NAV1: variants seen among roughly 807,000 people sequenced by gnomAD.
The protein encoded by NAV1 is neuron navigator 1.
In NAV1, 18 loss-of-function variants were observed where a neutral mutation model predicts 175.2. That is an observed-to-expected ratio of 0.10 (90% CI 0.07 to 0.15). The LOEUF (loss-of-function observed/expected upper bound fraction) is 0.15, where lower values mean the gene tolerates loss of function less well. Ranked by LOEUF, NAV1 falls within the 10% of genes least tolerant of loss-of-function variation. NAV1 has a pLI of 1.00. For synonymous variants in NAV1, 897 were observed against 978.7 expected (o/e 0.92, Z 1.56); for missense variants, 1,731 against 2,436.6 (o/e 0.71, Z 6.10).
At chr1:201,684,505 A>C in intron 1 of NAV1, among the ~76,000 whole-genome samples, 8 of 124,466 alleles carry the variant, frequency 6.4e-5, no homozygotes, top group South Asian at 2.5e-4. Context: ...ACAGAGTCTC[A>C]CTCTTGTCGC....
chr1:201,572,227 AG>A (rs1233121378), intron 1 of NAV1, among the ~76,000 whole-genome samples: 1 of 152,152 alleles, frequency 6.6e-6, no homozygotes, highest in African/African-American at 2.4e-5. Context: ...GGGCTTCTGC[AG>A]GGGCCACAGC....
chr1:201,636,963 T>A (rs535323931), intron 2 of NAV1, among the ~76,000 whole-genome samples: 1 of 152,238 alleles, frequency 6.6e-6, no homozygotes, highest in Non-Finnish European at 1.5e-5. Flanking sequence ...GTTCTCATCA[T>A]GGCATTGGAA....
chr1:201,740,773 C>G lies in NAV1; in HGVS notation c.1226+22018C>G, dbSNP rs1246065301. Among the ~76,000 whole-genome samples, 1 of 152,070 alleles carries G rather than the reference C, an allele frequency of 6.6e-6. No homozygotes were observed. The highest frequency in any genetic ancestry group is 1.5e-5 in the Non-Finnish European group (1 of 68,010). Reference sequence around the variant, plus strand: ...GGTCGTGTAAGGTGAGGGCAAGGCACAGAGGCTCCTTCATAAAGGGGAAGT... The same window carrying G: ...GGTCGTGTAAGGTGAGGGCAAGGCAGAGAGGCTCCTTCATAAAGGGGAAGT... On this transcript the variant is annotated intron_variant, in intron 3 of 29. Coordinates refer to ENST00000367296, the Ensembl canonical transcript of NAV1. This position sits in a 1 kb window ranked among gnomAD's most constrained non-coding sequence, Gnocchi z 4.7.
At chr1:201,711,573 A>C (rs1001027144) in intron 1 of NAV1, among the ~76,000 whole-genome samples, 4 of 152,240 alleles carry the variant, frequency 2.6e-5, no homozygotes, top group African/African-American at 9.6e-5. Flanking sequence ...CCTCTGCAGC[A>C]GCGGCAGAAG....
At chr1:201,789,864 G>A in intron 11 of NAV1, 72 bp downstream of exon 15, 1 of 1,468,608 alleles carries the variant, frequency 6.8e-7, no homozygotes. Flanking sequence ...GAACCTCCTT[G>A]GAGTTGGGTA....
exon 30 of NAV1, chr1:201,820,826 T>TC (rs1269506404): frequency 1.3e-5 from 2 of 152,116 alleles, no homozygotes; most frequent in Non-Finnish European, 2.9e-5. Context: ...CTTTTTTTTT[T>TC]CTTTTTCCGT....
chr1:201,732,234 C>T (rs2102525515), intron 3 of NAV1, among the ~76,000 whole-genome samples: 1 of 152,282 alleles, frequency 6.6e-6, no homozygotes, highest in Non-Finnish European at 1.5e-5. Flanking sequence ...CTCAGCCTCC[C>T]AAGTAGCTGG....
chr1:201,556,948 C>A (rs752435162), intron 1 of NAV1, among the ~76,000 whole-genome samples: 1 of 152,182 alleles, frequency 6.6e-6, no homozygotes. Context: ...CCAGTAGACT[C>A]GTCTCTGGTG....
chr1:201,664,074 G>A (rs1160030937), intron 1 of NAV1, among the ~76,000 whole-genome samples: 1 of 152,212 alleles, frequency 6.6e-6, no homozygotes, highest in East Asian at 1.9e-4. Context: ...AAGATCCGGA[G>A]TATAGTGGCC....
Position 201,702,714 on chromosome 1 carries a change from C to T in NAV1, c.758-10103C>T, listed in dbSNP as rs1008840338. Among the ~76,000 whole-genome samples the T allele has an allele frequency of 1.9e-4, 29 of 151,622 alleles. 1 individual carries two copies. The highest frequency in any genetic ancestry group is 5.3e-4 in the Admixed American group (8 of 15,210). On this transcript the variant is annotated intron_variant, in intron 1 of 29. Coordinates refer to ENST00000367296, the Ensembl canonical transcript of NAV1. ...TCTCTCTCTCTCTCTCTCTCTCTCT[C>T]TCTCTCTCTCTCTCTCTCCCCATTC...
rs1428517741 is a variant in NAV1 at position 201,539,328 on chromosome 1, C to A, written c.-158C>A. ...CTGCGGCGCGGACCCGGAGCCCGGG[C>A]GGGCAGGCGCTCCGGTGAGTGGCCG... On this transcript the variant is annotated 5_prime_UTR_variant, in exon 1 of 34. Transcript: ENST00000685211. This position sits in a 1 kb window ranked among gnomAD's most constrained non-coding sequence, Gnocchi z 5.6. Among the ~76,000 whole-genome samples, 1 of 151,894 alleles carries A rather than the reference C, an allele frequency of 6.6e-6. No individual in the cohort carries two copies. Among genetic ancestry groups the A allele is most frequent in the Non-Finnish European group, 1.5e-5 (1 of 67,948 alleles).
At chr1:201,649,054 G>A (rs148817127) in exon 1 of NAV1, 20 of 1,613,414 alleles carry the variant, frequency 1.2e-5, no homozygotes, top group South Asian at 1.1e-4. Flanking sequence ...GGGTCCAAGG[G>A]CCGTGAAGCT....
At position 201,734,795 on chromosome 1, in the gene NAV1, CT is replaced by C. The variant is rs546285275; in HGVS notation, c.1226+16041del. ...TTACTGGAGAGACAGCCCCTCTCCCCTACCCCTTCCTATGGTCCTCTGTCTC... is the reference window on the plus strand; with the variant it reads ...TTACTGGAGAGACAGCCCCTCTCCCCACCCCTTCCTATGGTCCTCTGTCTC... On this transcript the variant is annotated intron_variant, in intron 3 of 29. Transcript: ENST00000367296. 2.0e-4 allele frequency among the ~76,000 whole-genome samples: 31 copies of C among 152,232 alleles called. No individual in the cohort carries two copies. In the South Asian group the frequency reaches 6.4e-3, roughly 32 times the overall value.
chr1:201,792,213 G>A (rs1677165682), intron 13 of NAV1: 1 of 151,862 alleles, frequency 6.6e-6, no homozygotes, highest in African/African-American at 2.4e-5. Context: ...CTGCCCTCAA[G>A]CAGGAGATGG....
intron 3 of NAV1, among the ~76,000 whole-genome samples, chr1:201,779,529 C>T (rs892934855): frequency 7.7e-6 from 1 of 130,590 alleles, no homozygotes; most frequent in Non-Finnish European, 1.6e-5. Flanking sequence ...ACCTGGGAGG[C>T]GGAGGTTGCA....
chr1:201,786,881 A>G (rs1006755530), intron 9 of NAV1, among the ~76,000 whole-genome samples: 11 of 152,230 alleles, frequency 7.2e-5, no homozygotes, highest in African/African-American at 1.9e-4. Context: ...GAGCAGGCAC[A>G]TTGAACTGCC....
intron 7 of NAV1, among the ~76,000 whole-genome samples, chr1:201,784,769 T>C (rs1676601824): frequency 6.6e-6 from 1 of 151,954 alleles, no homozygotes; most frequent in East Asian, 1.9e-4. Context: ...TTTTTTGTTG[T>C]TGTTGTTGTT....
At chr1:201,652,465 G>A (rs374608360) in intron 1 of NAV1, among the ~76,000 whole-genome samples, 5 of 152,266 alleles carry the variant, frequency 3.3e-5, no homozygotes, top group South Asian at 2.1e-4. Flanking sequence ...AGTGAGTACC[G>A]AGGGCAAATG....
At chr1:201,726,298 G>A (rs84214) in intron 3 of NAV1, among the ~76,000 whole-genome samples, 1 of 152,108 alleles carries the variant, frequency 6.6e-6, no homozygotes, top group Non-Finnish European at 1.5e-5. Context: ...AGGATCAAAT[G>A]GAAAAGAATA....
Sources: allele counts gnomAD v4.1 joint callset (sites outside exome capture counted in the v4.1 genomes callset), GRCh38; gene constraint gnomAD v4.1.1; non-coding constraint Gnocchi (gnomAD v3.1); transcripts MANE v1.5; gene names NCBI Gene and HGNC (gene_info 2026-07-23, HGNC 2026-07-21).